RAB27B: variants seen among roughly 807,000 people sequenced by gnomAD.
The protein encoded by RAB27B is ras-related protein Rab-27B.
RAB27B carries 15 observed loss-of-function variants against 24.6 expected under a neutral mutation model. That is an observed-to-expected ratio of 0.61 (90% confidence interval 0.41 to 0.94). RAB27B has a LOEUF of 0.94. Ranked by LOEUF, RAB27B falls within the 40% of genes least tolerant of loss-of-function variation. RAB27B has a pLI of 0.00. For synonymous variants in RAB27B, 105 were observed against 92.5 expected (o/e 1.14, Z -0.78); for missense variants, 261 against 266.8 (o/e 0.98, Z 0.15).
chr18:54,805,600 C>T (rs751075165), intron 2 of RAB27B, among the ~76,000 whole-genome samples: 14 of 152,144 alleles, frequency 9.2e-5, no homozygotes, highest in Admixed American at 1.3e-4. Context: ...GAAAAGACTA[C>T]GATCCAGTAG....
intron 2 of RAB27B, among the ~76,000 whole-genome samples, chr18:54,732,335 C>T (rs1250649574): frequency 6.6e-6 from 1 of 152,150 alleles, no homozygotes; most frequent in Middle Eastern, 3.2e-3. Context: ...TAATACTCTG[C>T]CTCTGTTAAT....
chr18:54,791,455 G>T (rs1051233015), intron 2 of RAB27B, among the ~76,000 whole-genome samples: 1 of 152,130 alleles, frequency 6.6e-6, no homozygotes, highest in African/African-American at 2.4e-5. Flanking sequence ...CACGCCTGTA[G>T]TCCCAGCTAC....
intron 2 of RAB27B, among the ~76,000 whole-genome samples, chr18:54,770,021 C>T (rs888161905): frequency 2.0e-5 from 3 of 152,234 alleles, no homozygotes; most frequent in African/African-American, 7.2e-5. Flanking sequence ...GTGTGCACCA[C>T]TATGCCTGGC....
rs1913182390 is a variant in RAB27B, at chr18:54,887,244, C to G, written c.344-751C>G. 1.3e-5 allele frequency among the ~76,000 whole-genome samples: 2 copies of G among 151,614 alleles called. 1 individual carries two copies. Among genetic ancestry groups the G allele is most frequent in the East Asian group, 3.9e-4 (2 of 5,162 alleles). On this transcript the variant is annotated intron_variant, in intron 4 of 5. Transcript: ENST00000262094. ...TAGAGAAAGGAAAGGTAACAACTTC[C>G]TAAAGGAAAAAACAAATTTACCCAC...
chr18:54,831,639 TA>T (rs746893984), intron 1 of RAB27B, among the ~76,000 whole-genome samples: 1 of 152,112 alleles, frequency 6.6e-6, no homozygotes, highest in African/African-American at 2.4e-5. Context: ...GACGGATAAG[TA>T]AATAAACAAA....
At chr18:54,796,724 G>T (rs1909433039) in intron 2 of RAB27B, among the ~76,000 whole-genome samples, 1 of 152,216 alleles carries the variant, frequency 6.6e-6, no homozygotes, top group African/African-American at 2.4e-5. Flanking sequence ...ATGAGGGCAT[G>T]GAAGGCCAGA....
At chr18:54,858,415 C>T (rs1341534209) in intron 1 of RAB27B, among the ~76,000 whole-genome samples, 1 of 146,948 alleles carries the variant, frequency 6.8e-6, no homozygotes, top group South Asian at 2.1e-4. Flanking sequence ...GACGGAGTCT[C>T]GCTCTGTCTC....
chr18:54,867,442 C>CTTTTTTTTT (rs548288719), intron 1 of RAB27B, among the ~76,000 whole-genome samples: 37 of 98,798 alleles, frequency 3.7e-4, no homozygotes, highest in African/African-American at 1.0e-3. Flanking sequence ...CTTTTCTTTT[C>CTTTTTTTTT]TTTTTTTTTT....
intron 2 of RAB27B, among the ~76,000 whole-genome samples, chr18:54,759,559 T>C (rs1159501442): frequency 6.6e-6 from 1 of 152,196 alleles, no homozygotes; most frequent in Non-Finnish European, 1.5e-5. Flanking sequence ...AGGGAAATAC[T>C]GGGTAGAGGA....
upstream of RAB27B, among the ~76,000 whole-genome samples, chr18:54,825,216 A>G (rs1910433969): frequency 6.6e-6 from 1 of 152,152 alleles, no homozygotes; most frequent in Non-Finnish European, 1.5e-5. Flanking sequence ...GATCTGCTTT[A>G]TGTCTCTGGA....
chr18:54,799,436 C>T (rs549022830), intron 2 of RAB27B, among the ~76,000 whole-genome samples: 1 of 151,750 alleles, frequency 6.6e-6, no homozygotes, highest in South Asian at 2.1e-4. Flanking sequence ...ACTAAGTATC[C>T]CCATAGGGTA....
chr18:54,833,838 A>C (rs921322143), intron 1 of RAB27B, among the ~76,000 whole-genome samples: 1 of 152,130 alleles, frequency 6.6e-6, no homozygotes, highest in African/African-American at 2.4e-5. Flanking sequence ...AGAAACTGAG[A>C]AAAGGAGTTT....
chr18:54,746,332 G>A (rs1910247018), intron 2 of RAB27B, among the ~76,000 whole-genome samples: 2 of 152,118 alleles, frequency 1.3e-5, no homozygotes, highest in South Asian at 2.1e-4. Flanking sequence ...GTTTCTGGAC[G>A]GTAAGAATGT....
chr18:54,781,234 A>G (rs375022189), intron 2 of RAB27B, among the ~76,000 whole-genome samples: 1 of 152,064 alleles, frequency 6.6e-6, no homozygotes, highest in Non-Finnish European at 1.5e-5. Flanking sequence ...CTCTAACATT[A>G]GTATAGAAGG....
At chr18:54,852,620 A>G (rs137901934) in intron 1 of RAB27B, among the ~76,000 whole-genome samples, 2 of 152,226 alleles carry the variant, frequency 1.3e-5, no homozygotes, top group East Asian at 3.9e-4. Flanking sequence ...GTAGTTCTGG[A>G]TTTTGTGTTT....
rs869079784 is a variant in RAB27B at position 54,850,333 on chromosome 18, G to GACATATATATAT, written c.-20+21634_-20+21635insCATATATATATA. Among the ~76,000 whole-genome samples the GACATATATATAT allele has an allele frequency of 2.8e-3, 270 of 95,070 alleles. 12 individuals are homozygous for GACATATATATAT. The highest frequency in any genetic ancestry group is 5.7e-3 in the Middle Eastern group (1 of 174). 62.4% of individuals were successfully genotyped at this position (95,070 alleles called of 152,430 possible). Reference sequence around the variant, plus strand: ...TATTTATTTAAAAGCAAACAAACAGGATATATATATATATATATATATATA... The same window carrying GACATATATATAT: ...TATTTATTTAAAAGCAAACAAACAGGACATATATATATATATATATATATATATATATATATA... On this transcript the variant is annotated intron_variant, in intron 1 of 5. Coordinates refer to ENST00000262094, the MANE Select transcript of RAB27B (RefSeq NM_004163.4).
chr18:54,884,517 C>A (rs1913054997), intron 4 of RAB27B, 81 bp downstream of exon 4: 3 of 870,794 alleles, frequency 3.4e-6, no homozygotes, highest in Non-Finnish European at 5.6e-6. Context: ...AAGATGAAAC[C>A]AGATTGGGTA....
At chr18:54,765,198 A>G (rs912486717) in intron 2 of RAB27B, among the ~76,000 whole-genome samples, 1 of 152,038 alleles carries the variant, frequency 6.6e-6, no homozygotes, top group African/African-American at 2.4e-5. Flanking sequence ...AATTCCCCCA[A>G]TTCAGTCTTT....
chr18:54,816,477 A>C (rs916430224), intron 2 of RAB27B, among the ~76,000 whole-genome samples: 1 of 152,236 alleles, frequency 6.6e-6, no homozygotes, highest in Non-Finnish European at 1.5e-5. Flanking sequence ...TATATGTTTA[A>C]ATATTTTTCT....
Sources: gnomAD v4.1 joint callset for allele counts (sites outside exome capture counted in the v4.1 genomes callset) on GRCh38, gnomAD v4.1.1 for gene constraint, MANE v1.5 for transcripts, NCBI Gene and HGNC (gene_info 2026-07-23, HGNC 2026-07-21) for gene names.